Variants in HECW2 observed in about 807,000 individuals in gnomAD.
The protein encoded by HECW2 is HECT, C2 and WW domain containing E3 ubiquitin protein ligase 2, also known as E3 ubiquitin-protein ligase HECW2.
HECW2 carries 61 observed loss-of-function variants against 175.2 expected under a neutral mutation model. That is an observed-to-expected ratio of 0.35 (90% confidence interval 0.28 to 0.43). The LOEUF (loss-of-function observed/expected upper bound fraction) is 0.43. Ranked by LOEUF, HECW2 falls within the 20% of genes least tolerant of loss-of-function variation. HECW2 has a pLI of 1.00. For missense variants in HECW2, 1,524 were observed against 2,000.5 expected (o/e 0.76, Z 4.54); for synonymous variants, 671 against 731.0 (o/e 0.92, Z 1.32).
intron 2 of HECW2, among the ~76,000 whole-genome samples, chr2:196,373,815 G>T (rs1040527161): frequency 6.6e-6 from 1 of 152,018 alleles, no homozygotes; most frequent in African/African-American, 2.4e-5. Context: ...GGCAGATCAC[G>T]AGGTCAGGAG....
intron 19 of HECW2, among the ~76,000 whole-genome samples, chr2:196,247,290 C>T (rs957818088): frequency 3.9e-5 from 6 of 152,112 alleles, no homozygotes; most frequent in African/African-American, 1.4e-4. Context: ...GTAAATTATG[C>T]TGTTGGCCTT....
rs557270812 is a variant in HECW2, at chr2:196,319,353, C to T, written c.1537G>A (p.Val513Ile). The T allele has an allele frequency of 9.3e-6, 15 of 1,614,208 alleles. No homozygotes were observed. The African/African-American group carries it at 1.6e-4, about 17-fold the overall frequency. Residue 513 changes from valine (V) to isoleucine (I), a missense_variant, in exon 9 of 29, where the codon GTT becomes ATT. By Grantham distance (29) the Val-to-Ile change is conservative. Coordinates refer to ENST00000644978, the MANE Select transcript of HECW2 (RefSeq NM_001348768.2). ...TSQTKLEDNP[V>I]ENEEASTHEA... is the part of the protein sequence containing the mutation. Reference sequence around the variant, plus strand: ...TGTGTGGAGGCTTCCTCATTCTCAACAGGGTTGTCCTCCAGCTTTGTCTGA... The same window carrying T: ...TGTGTGGAGGCTTCCTCATTCTCAATAGGGTTGTCCTCCAGCTTTGTCTGA...
intron 2 of HECW2, among the ~76,000 whole-genome samples, chr2:196,431,242 A>G (rs1695703459): frequency 1.3e-5 from 2 of 152,174 alleles, no homozygotes; most frequent in African/African-American, 4.8e-5. Flanking sequence ...CTTCCTCTAG[A>G]AAGTAAAATA....
At chr2:196,591,412 C>T (rs1397279528) in intron 1 of HECW2, among the ~76,000 whole-genome samples, 1 of 152,126 alleles carries the variant, frequency 6.6e-6, no homozygotes, top group Non-Finnish European at 1.5e-5. Context: ...TGATTTTCCC[C>T]CAGAAGCAGC....
At chr2:196,521,221 AG>A (rs1688362329) in intron 1 of HECW2, among the ~76,000 whole-genome samples, 1 of 145,300 alleles carries the variant, frequency 6.9e-6, no homozygotes, top group Non-Finnish European at 1.5e-5. Flanking sequence ...ATTACTTCAA[AG>A]GGTTTTCCTC....
At chr2:196,422,877 T>C (rs935780786) in intron 2 of HECW2, among the ~76,000 whole-genome samples, 6 of 152,140 alleles carry the variant, frequency 3.9e-5, no homozygotes, top group Non-Finnish European at 5.9e-5. Flanking sequence ...CCTAATGCAT[T>C]ATTTGTTCCA....
chr2:196,279,611 A>C (rs375263540), intron 14 of HECW2, among the ~76,000 whole-genome samples: 2 of 152,286 alleles, frequency 1.3e-5, no homozygotes, highest in East Asian at 3.9e-4. Flanking sequence ...TCACCACCCC[A>C]ATACAAAGCT....
At position 196,240,610 on chromosome 2, in the gene HECW2, T is replaced by C. The variant is rs576853190; in HGVS notation, c.3651-48A>G. On this transcript the variant is annotated intron_variant, in intron 20 of 28. Coordinates refer to ENST00000644978, the MANE Select transcript of HECW2 (RefSeq NM_001348768.2). Reference sequence around the variant, plus strand: ...GAAAATACAAATTATTACTATACTATTAAAGATAATTTACTTATCTTTCTA... The same window carrying C: ...GAAAATACAAATTATTACTATACTACTAAAGATAATTTACTTATCTTTCTA... 1.4e-5 allele frequency: 20 copies of C among 1,440,206 alleles called. No individual in the cohort carries two copies. In the South Asian group the frequency reaches 2.6e-4, roughly 18 times the overall value. 89.2% of individuals were successfully genotyped at this position (1,440,206 alleles called of 1,614,324 possible). A position where few individuals can be genotyped will look rare whatever the true frequency, so the allele number is the denominator to read the frequency against.
At chr2:196,311,786 G>A (rs141620306) in intron 10 of HECW2, among the ~76,000 whole-genome samples, 14 of 152,250 alleles carry the variant, frequency 9.2e-5, no homozygotes, top group Non-Finnish European at 1.6e-4. Context: ...AACAGAGTTG[G>A]ATTCCATCTC....
At position 196,370,202 on chromosome 2, in the gene HECW2, T is replaced by C. The variant is rs540546186; in HGVS notation, c.293-26438A>G. Among the ~76,000 whole-genome samples the C allele has an allele frequency of 1.1e-3, 167 of 151,862 alleles. 1 individual carries two copies. The highest frequency in any genetic ancestry group is 2.1e-3 in the Non-Finnish European group (144 of 67,944). Reference sequence around the variant, plus strand: ...AGTACTACCTGGATACTGCTGCTGATTATTTAGGGCCCAAGGGCTCTTTAG... The same window carrying C: ...AGTACTACCTGGATACTGCTGCTGACTATTTAGGGCCCAAGGGCTCTTTAG... On this transcript the variant is annotated intron_variant, in intron 2 of 28. Transcript: ENST00000644978.
chr2:196,281,559 G>C (rs1690185882), intron 14 of HECW2, among the ~76,000 whole-genome samples: 1 of 143,244 alleles, frequency 7.0e-6, no homozygotes, highest in Non-Finnish European at 1.5e-5. Flanking sequence ...AGGATCATTT[G>C]AGCCTGGGAG....
rs148261278 is a variant in HECW2 at position 196,274,218 on chromosome 2, C to T, written c.3136-95G>A. 3.8e-3 allele frequency: 3,091 copies of T among 819,048 alleles called. 23 individuals carry two copies. Among genetic ancestry groups the T allele is most frequent in the Non-Finnish European group, 4.1e-3 (1,981 of 488,144 alleles). 50.7% of individuals were successfully genotyped at this position (819,048 alleles called of 1,614,324 possible). On this transcript the variant is annotated intron_variant, in intron 15 of 28. Coordinates refer to ENST00000644978, the MANE Select transcript of HECW2 (RefSeq NM_001348768.2). ...AGTTGTTCAAAATATTAACAATGAGCATAGTGAAGTACCACTTGATCAGAA... is the reference window on the plus strand; with the variant it reads ...AGTTGTTCAAAATATTAACAATGAGTATAGTGAAGTACCACTTGATCAGAA...
At position 196,483,777 on chromosome 2, in the gene HECW2, T is replaced by G. The variant is rs371642846; in HGVS notation, c.-35-50319A>C. On this transcript the variant is annotated intron_variant, in intron 1 of 28. Transcript: ENST00000644978. Reference sequence around the variant, plus strand: ...ACTAGGAAAAATAACTCAATTTCTTTGAATCTTAAATTGCAATGTGGAGGA... The same window carrying G: ...ACTAGGAAAAATAACTCAATTTCTTGGAATCTTAAATTGCAATGTGGAGGA... Among the ~76,000 whole-genome samples the G allele has an allele frequency of 3.2e-4, 48 of 152,330 alleles. No homozygotes were observed. The South Asian group carries it at 9.1e-3, about 29-fold the overall frequency.
chr2:196,509,296 T>C (rs1687866101), intron 1 of HECW2, among the ~76,000 whole-genome samples: 1 of 152,220 alleles, frequency 6.6e-6, no homozygotes, highest in Admixed American at 6.5e-5. Flanking sequence ...TTCTTTCACC[T>C]TCCTGTAAGC....
chr2:196,490,637 C>T (rs1687153891), intron 1 of HECW2, among the ~76,000 whole-genome samples: 1 of 152,160 alleles, frequency 6.6e-6, no homozygotes, highest in African/African-American at 2.4e-5. Flanking sequence ...TGTTCACCCA[C>T]ATAAAAACTT....
intron 1 of HECW2, among the ~76,000 whole-genome samples, chr2:196,562,741 A>G (rs367855996): frequency 4.6e-5 from 7 of 152,120 alleles, no homozygotes; most frequent in African/African-American, 1.7e-4. Context: ...TCGAATCACA[A>G]ATCAGAAAAG....
chr2:196,591,693 C>A (rs892586028), intron 1 of HECW2, among the ~76,000 whole-genome samples: 2 of 151,616 alleles, frequency 1.3e-5, no homozygotes, highest in South Asian at 4.2e-4. Flanking sequence ...AATACAATGA[C>A]CCTTTATGCC....
At chr2:196,559,729 G>C (rs188817620) in intron 1 of HECW2, among the ~76,000 whole-genome samples, 2 of 152,158 alleles carry the variant, frequency 1.3e-5, no homozygotes, top group Admixed American at 1.3e-4. Flanking sequence ...GAAAGGTTTT[G>C]AGCACTCTGG....
chr2:196,486,243 C>T (rs1434114540), intron 1 of HECW2, among the ~76,000 whole-genome samples: 1 of 152,154 alleles, frequency 6.6e-6, no homozygotes, highest in Non-Finnish European at 1.5e-5. Flanking sequence ...CTAGCTGGAG[C>T]GTTTACATGG....
Sources: gnomAD v4.1 joint callset for allele counts (sites outside exome capture counted in the v4.1 genomes callset) on GRCh38, gnomAD v4.1.1 for gene constraint, MANE v1.5 for transcripts, NCBI Gene and HGNC (gene_info 2026-07-23, HGNC 2026-07-21) for gene names.